The following RAD51B variants were observed in gnomAD, a reference collection of about 807,000 sequenced individuals.
RAD51B encodes RAD51 paralog B.
RAD51B carries 38 observed loss-of-function variants against 42.2 expected under a neutral mutation model. That is an observed-to-expected ratio of 0.90 (90% CI 0.70 to 1.18). RAD51B has a LOEUF of 1.18. RAD51B is among the 50% of genes most tolerant of loss of function. The pLI, the probability that RAD51B is intolerant of heterozygous loss-of-function variation, is 0.00. For synonymous variants in RAD51B, 154 were observed against 145.2 expected, an observed-to-expected ratio of 1.06 and a Z score of -0.43; for missense variants, 373 against 400.7, an observed-to-expected ratio of 0.93 and a Z score of 0.59.
At chr14:68,031,666 T>C (rs28652829) in intron 7 of RAD51B, among the ~76,000 whole-genome samples, 9 of 150,080 alleles carry the variant, frequency 6.0e-5, no homozygotes, top group Admixed American at 6.0e-4. Context: ...CTGGTGTCTT[T>C]AAAAAAAAAA....
At chr14:68,200,327 C>G (rs780505633) in intron 7 of RAD51B, among the ~76,000 whole-genome samples, 4 of 152,184 alleles carry the variant, frequency 2.6e-5, no homozygotes, top group Non-Finnish European at 5.9e-5. Context: ...CCACTTCCTT[C>G]TTACCTCTCT....
intron 10 of RAD51B, among the ~76,000 whole-genome samples, chr14:68,567,025 C>T (rs1320850075): frequency 6.6e-6 from 1 of 152,150 alleles, no homozygotes; most frequent in Non-Finnish European, 1.5e-5. Flanking sequence ...TACTGGCCGG[C>T]ACGGTGGCTC....
intron 10 of RAD51B, among the ~76,000 whole-genome samples, chr14:68,495,969 T>C (rs1254734398): frequency 6.6e-6 from 1 of 152,170 alleles, no homozygotes; most frequent in Non-Finnish European, 1.5e-5. Flanking sequence ...AGAGCATCCA[T>C]GTACCGAAAC....
intron 7 of RAD51B, among the ~76,000 whole-genome samples, chr14:68,161,501 G>T (rs754773306): frequency 1.3e-5 from 2 of 152,278 alleles, no homozygotes; most frequent in African/African-American, 2.4e-5. Flanking sequence ...GCTGAACCTG[G>T]TTCATGTGTT....
intron 8 of RAD51B, among the ~76,000 whole-genome samples, chr14:68,394,260 TC>T (rs2083848761): frequency 6.6e-6 from 1 of 152,202 alleles, no homozygotes. Flanking sequence ...TTCTCAGGCC[TC>T]CATCTGCAGG....
intron 7 of RAD51B, among the ~76,000 whole-genome samples, chr14:67,952,992 A>T (rs1037353758): frequency 2.6e-5 from 4 of 152,234 alleles, no homozygotes; most frequent in Admixed American, 2.0e-4. Flanking sequence ...TGAGACTTAC[A>T]TATATTCTAG....
chr14:68,359,736 T>C (rs2082982722), intron 8 of RAD51B, among the ~76,000 whole-genome samples: 1 of 152,178 alleles, frequency 6.6e-6, no homozygotes, highest in Non-Finnish European at 1.5e-5. Flanking sequence ...TTGTGTGTTG[T>C]AGGGGGGCAG....
intron 8 of RAD51B, among the ~76,000 whole-genome samples, chr14:68,363,507 G>T (rs1299102506): frequency 6.6e-6 from 1 of 152,182 alleles, no homozygotes; most frequent in Non-Finnish European, 1.5e-5. Context: ...CAGGTGTGCA[G>T]GCTCTGAGTG....
Position 68,015,866 on chromosome 14 carries a change from A to G in RAD51B, c.756+128662A>G, listed in dbSNP as rs528820500. ...CACTTTTCTCTGACACCATTTATTC[A>G]TTTATAAATGCCTTACCTTTTATGG... is the stretch of plus-strand genomic sequence containing the variant. On this transcript the variant is annotated intron_variant, in intron 7 of 10. Transcript: ENST00000471583. Among the ~76,000 whole-genome samples the G allele has an allele frequency of 4.6e-5, 7 of 152,342 alleles. No individual in the cohort carries two copies. In the East Asian group the frequency reaches 1.3e-3, roughly 29 times the overall value.
At position 68,130,089 on chromosome 14, in the gene RAD51B, A is replaced by C. The variant is rs532945794; in HGVS notation, c.757-161795A>C. 8 of 152,354 alleles carry C rather than the reference A, an allele frequency of 5.3e-5. No homozygotes were observed. The East Asian group carries it at 1.5e-3, about 29-fold the overall frequency. 9.4% of individuals were successfully genotyped at this position (152,354 alleles called of 1,614,324 possible). Reference sequence around the variant, plus strand: ...ACCTGGAGCTCATAGTCCTCTTCCAAGATCATTCCTTTTATTGGCAGATTT... The same window carrying C: ...ACCTGGAGCTCATAGTCCTCTTCCACGATCATTCCTTTTATTGGCAGATTT... On this transcript the variant is annotated intron_variant, in intron 7 of 10. Transcript: ENST00000471583.
chr14:67,948,147 A>G (rs1236449741), intron 7 of RAD51B, among the ~76,000 whole-genome samples: 1 of 152,204 alleles, frequency 6.6e-6, no homozygotes, highest in South Asian at 2.1e-4. Context: ...TAGAGTCTGG[A>G]TATACATAGG....
chr14:68,509,599 G>A (rs190003020), intron 10 of RAD51B, among the ~76,000 whole-genome samples: 1 of 152,354 alleles, frequency 6.6e-6, no homozygotes, highest in East Asian at 1.9e-4. Context: ...TTGGTATGGG[G>A]TGGGAATGGA....
At chr14:68,050,876 G>A (rs550993512) in intron 7 of RAD51B, among the ~76,000 whole-genome samples, 151 of 151,824 alleles carry the variant, frequency 9.9e-4, no homozygotes, top group African/African-American at 3.5e-3. Flanking sequence ...CAGTTATTTG[G>A]ATCTTGCCTT....
intron 4 of RAD51B, among the ~76,000 whole-genome samples, chr14:67,861,510 C>T (rs1365640683): frequency 6.8e-6 from 1 of 147,918 alleles, no homozygotes; most frequent in Non-Finnish European, 1.5e-5. Context: ...AATTTGAGGC[C>T]ACTTGCAGTA....
At chr14:68,450,038 C>A (rs1422767513) in intron 9 of RAD51B, among the ~76,000 whole-genome samples, 1 of 151,942 alleles carries the variant, frequency 6.6e-6, no homozygotes, top group Non-Finnish European at 1.5e-5. Context: ...GATGGGTACC[C>A]TAGGGGAACA....
At chr14:68,461,341 A>G (rs1191268252) in intron 9 of RAD51B, among the ~76,000 whole-genome samples, 1 of 108,578 alleles carries the variant, frequency 9.2e-6, no homozygotes, top group Non-Finnish European at 2.5e-5. Context: ...GCAGGGAAAA[A>G]AAAAAAAAAA....
intron 10 of RAD51B, among the ~76,000 whole-genome samples, chr14:68,566,802 C>T (rs554126461): frequency 6.6e-6 from 1 of 152,272 alleles, no homozygotes; most frequent in Non-Finnish European, 1.5e-5. Flanking sequence ...CCCAATTTCT[C>T]TGCTTGGCTT....
At position 68,215,233 on chromosome 14, in the gene RAD51B, G is replaced by A. The variant is rs572918140; in HGVS notation, c.757-76651G>A. ...TTTTAATCTCTTAGACACCAATGGC[G>A]TCTACTCTCCCTTATCATATAACTA... On this transcript the variant is annotated intron_variant, in intron 7 of 10. Coordinates refer to ENST00000471583, the MANE Select transcript of RAD51B (RefSeq NM_133510.4). 7.8e-4 allele frequency among the ~76,000 whole-genome samples: 119 copies of A among 152,226 alleles called. 1 individual carries two copies. Among genetic ancestry groups the A allele is most frequent in the African/African-American group, 1.3e-3 (56 of 41,540 alleles).
intron 7 of RAD51B, among the ~76,000 whole-genome samples, chr14:68,282,551 C>T (rs1443729148): frequency 6.6e-6 from 1 of 152,198 alleles, no homozygotes; most frequent in Non-Finnish European, 1.5e-5. Context: ...AGCATTGCTT[C>T]AGCTGCCCCC....
Sources: gnomAD v4.1 joint callset for allele counts (sites outside exome capture counted in the v4.1 genomes callset) on GRCh38, gnomAD v4.1.1 for gene constraint, MANE v1.5 for transcripts, NCBI Gene and HGNC (gene_info 2026-07-23, HGNC 2026-07-21) for gene names.